The following SHTN1 variants were observed in gnomAD, a reference collection of about 807,000 sequenced individuals.
The protein encoded by SHTN1 is shootin-1.
Under a neutral mutation model 83.1 loss-of-function variants are expected in SHTN1, and 42 were observed. That is an observed-to-expected ratio of 0.51 (90% confidence interval 0.39 to 0.65). The LOEUF (loss-of-function observed/expected upper bound fraction) is 0.65, where lower values mean the gene tolerates loss of function less well. SHTN1 is among the 30% of genes least tolerant of loss of function. The pLI, the probability that SHTN1 is intolerant of heterozygous loss-of-function variation, is 0.00. For synonymous variants in SHTN1, 224 were observed against 247.7 expected, an observed-to-expected ratio of 0.90 and a Z score of 0.90; for missense variants, 622 against 737.8, an observed-to-expected ratio of 0.84 and a Z score of 1.82.
At chr10:117,051,606 A>G (rs1057132760) in intron 1 of SHTN1, among the ~76,000 whole-genome samples, 7 of 152,116 alleles carry the variant, frequency 4.6e-5, no homozygotes, top group African/African-American at 1.7e-4. Flanking sequence ...AGGTAGTTCA[A>G]CATAGGAAAT....
rs112157782 is a variant in SHTN1 at position 117,035,722 on chromosome 10, T to C, written c.-123+12723A>G. ...ATCCCAGCACTTTGGGAGGCTGAGG[T>C]AGGCGTCAAGGTCAGGAGTTCGAGA... On this transcript the variant is annotated intron_variant, in intron 2 of 17. Coordinates refer to the SHTN1 transcript ENST00000392901. Among the ~76,000 whole-genome samples the C allele has an allele frequency of 2.6e-3, 389 of 151,912 alleles. 1 individual carries two copies. Among genetic ancestry groups the C allele is most frequent in the African/African-American group, 9.0e-3 (372 of 41,420 alleles).
intron 3 of SHTN1, among the ~76,000 whole-genome samples, chr10:116,966,897 C>T (rs1850414915): frequency 6.6e-6 from 1 of 152,170 alleles, no homozygotes; most frequent in Non-Finnish European, 1.5e-5. Flanking sequence ...AATTGGAATT[C>T]ATACATTTGC....
At chr10:117,089,777 A>C (rs2133619242) in intron 1 of SHTN1, among the ~76,000 whole-genome samples, 1 of 152,294 alleles carries the variant, frequency 6.6e-6, no homozygotes, top group African/African-American at 2.4e-5. Flanking sequence ...AAATAGGAAA[A>C]GGAATTGAAT....
chr10:117,103,836 AATGTTTTCT>A (rs1853636286), intron 1 of SHTN1, among the ~76,000 whole-genome samples: 1 of 151,838 alleles, frequency 6.6e-6, no homozygotes. Flanking sequence ...GCACACGGCC[AATGTTTTCT>A]TTTTTTAACT....
At chr10:117,030,886 C>G (rs1852405782) in intron 2 of SHTN1, among the ~76,000 whole-genome samples, 1 of 151,886 alleles carries the variant, frequency 6.6e-6, no homozygotes, top group Non-Finnish European at 1.5e-5. Flanking sequence ...AAGGGCAAAT[C>G]TAAGAGTTAT....
At chr10:117,109,861 C>CA in intron 1 of SHTN1, among the ~76,000 whole-genome samples, 1 of 152,020 alleles carries the variant, frequency 6.6e-6, no homozygotes, top group Non-Finnish European at 1.5e-5. Flanking sequence ...AAATAAAACA[C>CA]AAAAATAAAC....
At chr10:117,029,048 A>G (rs527860076) in intron 2 of SHTN1, among the ~76,000 whole-genome samples, 21 of 152,264 alleles carry the variant, frequency 1.4e-4, no homozygotes, top group African/African-American at 5.1e-4. Context: ...ACCAAGGCCA[A>G]AACTCTGCAA....
chr10:116,987,023 G>A (rs775122340), intron 1 of SHTN1, among the ~76,000 whole-genome samples: 3 of 151,884 alleles, frequency 2.0e-5, no homozygotes, highest in Non-Finnish European at 4.4e-5. Flanking sequence ...CACCGTGCCC[G>A]GCCTATTTTT....
At chr10:116,946,025 C>T (rs1345172860) in intron 7 of SHTN1, among the ~76,000 whole-genome samples, 2 of 151,790 alleles carry the variant, frequency 1.3e-5, no homozygotes, top group African/African-American at 4.8e-5. Flanking sequence ...TTAAACAATG[C>T]TGTTTAGAGA....
intron 1 of SHTN1, among the ~76,000 whole-genome samples, chr10:116,987,911 C>CAA (rs372849349): frequency 1.0e-5 from 1 of 98,632 alleles, no homozygotes; most frequent in East Asian, 2.8e-4. Context: ...GACTCCGTCT[C>CAA]AAAAAAACAA....
At chr10:116,917,469 A>G (rs1848419059) in intron 12 of SHTN1, among the ~76,000 whole-genome samples, 1 of 152,138 alleles carries the variant, frequency 6.6e-6, no homozygotes, top group African/African-American at 2.4e-5. Context: ...ACGCCCAGCT[A>G]ATTTTTGTAT....
intron 2 of SHTN1, among the ~76,000 whole-genome samples, chr10:117,047,622 T>C (rs1020270033): frequency 2.0e-5 from 3 of 152,126 alleles, no homozygotes; most frequent in Non-Finnish European, 2.9e-5. Context: ...TAACTCTCTC[T>C]GGTACAATTA....
rs763050970 is a variant in SHTN1, at chr10:117,085,455, ATCTT to A, written c.-188-36949_-188-36946del. On this transcript the variant is annotated intron_variant, in intron 1 of 17. Transcript: ENST00000392901. ...CCAAATATTTGGGTATTTTCCAGCTATCTTTATTACCGATTTCTAGTTTAATTCT... is the reference window on the plus strand; with the variant it reads ...CCAAATATTTGGGTATTTTCCAGCTATATTACCGATTTCTAGTTTAATTCT... Among the ~76,000 whole-genome samples, 9 of 152,182 alleles carry A rather than the reference ATCTT, an allele frequency of 5.9e-5. No individual in the cohort carries two copies. The East Asian group carries it at 7.7e-4, about 13-fold the overall frequency.
At chr10:116,900,357 C>G (rs1847688052) in intron 16 of SHTN1, 2 of 606,090 alleles carry the variant, frequency 3.3e-6, no homozygotes, top group African/African-American at 1.8e-5. Context: ...GCCTTTATGG[C>G]ATCTAACAAC....
intron 3 of SHTN1, among the ~76,000 whole-genome samples, chr10:116,967,288 C>T (rs1850429194): frequency 6.6e-6 from 1 of 152,066 alleles, no homozygotes; most frequent in Non-Finnish European, 1.5e-5. Flanking sequence ...ATTTACATTA[C>T]ATAAAAAAAA....
intron 15 of SHTN1, among the ~76,000 whole-genome samples, chr10:116,906,418 CA>C (rs1847974724): frequency 6.6e-6 from 1 of 152,184 alleles, no homozygotes; most frequent in African/African-American, 2.4e-5. Context: ...TGGTTACCTA[CA>C]AATAAGTAAA....
intron 1 of SHTN1, among the ~76,000 whole-genome samples, chr10:117,054,215 CACA>C (rs1317139531): frequency 1.3e-5 from 2 of 152,034 alleles, no homozygotes; most frequent in East Asian, 1.9e-4. Context: ...GGAGTTTAGA[CACA>C]ACAACTGACC....
At chr10:116,968,581 G>C in intron 3 of SHTN1, 71 bp downstream of exon 3, 1 of 1,101,222 alleles carries the variant, frequency 9.1e-7, no homozygotes, top group Admixed American at 2.0e-5. Flanking sequence ...ACTCAATAGG[G>C]TATAAGTCTA....
intron 1 of SHTN1, among the ~76,000 whole-genome samples, chr10:116,989,563 A>T (rs1437418689): frequency 6.6e-6 from 1 of 152,174 alleles, no homozygotes; most frequent in Non-Finnish European, 1.5e-5. Context: ...CTGCCTAAAA[A>T]CAGGATATAA....
Sources: gnomAD v4.1 joint callset for allele counts (sites outside exome capture counted in the v4.1 genomes callset) on GRCh38, gnomAD v4.1.1 for gene constraint, MANE v1.5 for transcripts, NCBI Gene and HGNC (gene_info 2026-07-23, HGNC 2026-07-21) for gene names.